The following EHD4 variants were observed in gnomAD, a reference collection of about 807,000 sequenced individuals.
EHD4 encodes EH domain containing 4.
In EHD4, 37 loss-of-function variants were observed where a neutral mutation model predicts 51.0. The ratio of observed to expected loss-of-function variants is 0.73; its 90% CI spans 0.56 to 0.95. EHD4 has a LOEUF of 0.95. EHD4 is among the 40% of genes least tolerant of loss of function. The pLI is 0.00. For synonymous variants in EHD4, 297 were observed against 317.3 expected (o/e 0.94, Z 0.68); for missense variants, 632 against 733.1 (o/e 0.86, Z 1.59).
chr15:41,934,407 A>G (rs775205239), intron 3 of EHD4, among the ~76,000 whole-genome samples: 25 of 150,828 alleles, frequency 1.7e-4, no homozygotes, highest in Non-Finnish European at 3.5e-4. Flanking sequence ...GCCTCAAACT[A>G]CTGGGCTCAA....
Position 41,896,801 on chromosome 15 carries a change from C to G in EHD4, c.*3844G>C, listed in dbSNP as rs1308569521. 1.3e-5 allele frequency: 2 copies of G among 152,332 alleles called. No individual in the cohort carries two copies. Among genetic ancestry groups the G allele is most frequent in the Non-Finnish European group, 2.9e-5 (2 of 68,126 alleles). The allele number at this position is 152,332 out of a possible 1,614,324, so 9.4% of individuals were successfully genotyped here. ...CTGAAGTGGGGCTTTTGTCCACAGACCTGGCCTCTGCTGCCTACCCTCTTC... is the reference window on the plus strand; with the variant it reads ...CTGAAGTGGGGCTTTTGTCCACAGAGCTGGCCTCTGCTGCCTACCCTCTTC... On this transcript the variant is annotated 3_prime_UTR_variant, in exon 6 of 6. Transcript: ENST00000220325.
At chr15:41,930,737 T>A (rs143387289) in intron 3 of EHD4, among the ~76,000 whole-genome samples, 1 of 152,102 alleles carries the variant, frequency 6.6e-6, no homozygotes, top group African/African-American at 2.4e-5. Context: ...AGCCAAACTA[T>A]TACTCAGAGA....
chr15:41,954,029 T>C, intron 1 of EHD4, 89 bp from the exon 2 acceptor site: 7 of 1,396,184 alleles, frequency 5.0e-6, no homozygotes, highest in Non-Finnish European at 4.9e-6. Context: ...TTTTTTTACA[T>C]AATCATTTAA....
chr15:41,931,106 C>T (rs1279004609), intron 3 of EHD4, among the ~76,000 whole-genome samples: 1 of 152,200 alleles, frequency 6.6e-6, no homozygotes, highest in Non-Finnish European at 1.5e-5. Flanking sequence ...AGGAATGCAT[C>T]TTAGAGTTAC....
Position 41,972,503 on chromosome 15 carries a change from C to T in EHD4, c.-9G>A, listed in dbSNP as rs769509081. On this transcript the variant is annotated 5_prime_UTR_variant, in exon 1 of 6. Coordinates refer to ENST00000220325, the MANE Select transcript of EHD4 (RefSeq NM_139265.4). ...CCCATCCAGCTGAACATCCTGCCGC[C>T]AGTCCACGCTCGGATGGGACCCTGC... The T allele has an allele frequency of 1.1e-5, 17 of 1,504,402 alleles. No homozygotes were observed. In the South Asian group the frequency reaches 1.8e-4, roughly 16 times the overall value. 93.2% of individuals were successfully genotyped at this position (1,504,402 alleles called of 1,614,324 possible).
At chr15:41,969,999 C>A (rs2067985824) in intron 1 of EHD4, among the ~76,000 whole-genome samples, 1 of 152,190 alleles carries the variant, frequency 6.6e-6, no homozygotes, top group African/African-American at 2.4e-5. Context: ...AGACCACTAA[C>A]CAGGCTCTAA....
intron 3 of EHD4, among the ~76,000 whole-genome samples, chr15:41,933,717 G>T (rs2067713134): frequency 6.6e-6 from 1 of 152,202 alleles, no homozygotes; most frequent in South Asian, 2.1e-4. Context: ...CTGTGTAACA[G>T]GAATGTCCCC....
chr15:41,968,608 G>T (rs4575497), intron 1 of EHD4, among the ~76,000 whole-genome samples: 1 of 151,948 alleles, frequency 6.6e-6, no homozygotes. Flanking sequence ...TTACTCTTTA[G>T]TTCCTTTGCC....
intron 4 of EHD4, among the ~76,000 whole-genome samples, chr15:41,913,185 T>C (rs1289363610): frequency 1.3e-5 from 2 of 152,230 alleles, no homozygotes; most frequent in Non-Finnish European, 1.5e-5. Flanking sequence ...GATGGCATCC[T>C]GTCATTTTCT....
chr15:41,960,758 C>G (rs1470402213), intron 1 of EHD4, among the ~76,000 whole-genome samples: 1 of 149,796 alleles, frequency 6.7e-6, no homozygotes, highest in Non-Finnish European at 1.5e-5. Context: ...ACTGCAACCT[C>G]TGCCTCCTGG....
chr15:41,966,858 C>T (rs1474163663), intron 1 of EHD4, among the ~76,000 whole-genome samples: 2 of 152,222 alleles, frequency 1.3e-5, no homozygotes, highest in African/African-American at 4.8e-5. Context: ...CAATTACCCA[C>T]CTCTTTGGTA....
intron 4 of EHD4, among the ~76,000 whole-genome samples, chr15:41,915,843 G>A (rs4923919): frequency 0.25 from 37,299 of 151,906 alleles, 5,357 homozygotes; most frequent in Admixed American, 0.35. Flanking sequence ...GATCTTTGAG[G>A]CTAACCAAAA....
At chr15:41,938,032 T>C (rs780475582) in intron 3 of EHD4, among the ~76,000 whole-genome samples, 2 of 152,234 alleles carry the variant, frequency 1.3e-5, no homozygotes, top group Non-Finnish European at 2.9e-5. Context: ...ACAGATGGCC[T>C]AAAGGTAATT....
In EHD4 at chr15:41,972,440, C is replaced by G. The variant is rs2068005116; in HGVS notation, c.55G>C (p.Asp19His). The G allele has an allele frequency of 2.5e-6, 4 of 1,589,566 alleles. No individual in the cohort carries two copies. The African/African-American group carries it at 5.5e-5, about 22-fold the overall frequency. ...CCGCCCGTCACCGTCTGCACCGCGT[C>G]CGCGCCGCCAGCGCGTTCGCGCCCG... ...AGGRERAGGA[D>H]AVQTVTGGLR... Residue 19 changes from aspartate (D) to histidine (H), a missense_variant, in exon 1 of 6, where the codon GAC becomes CAC. Asp to His is a moderately conservative substitution (Grantham distance 81). Transcript: ENST00000220325.
At chr15:41,971,716 C>T (rs575550224) in intron 1 of EHD4, among the ~76,000 whole-genome samples, 1 of 152,350 alleles carries the variant, frequency 6.6e-6, no homozygotes, top group East Asian at 1.9e-4. Flanking sequence ...ATGAACTGAA[C>T]GTAGGCGGCC....
chr15:41,907,154 G>A (rs2067517919), intron 5 of EHD4, among the ~76,000 whole-genome samples: 1 of 152,208 alleles, frequency 6.6e-6, no homozygotes, highest in South Asian at 2.1e-4. Context: ...GAGCCCCAGG[G>A]CTCAAGAGCA....
chr15:41,962,489 T>C (rs113731993), intron 1 of EHD4, among the ~76,000 whole-genome samples: 3 of 149,438 alleles, frequency 2.0e-5, no homozygotes, highest in South Asian at 2.1e-4. Flanking sequence ...GGAAGCCTCA[T>C]GTGACAGCAG....
chr15:41,918,240 ACACG>A lies in EHD4; in HGVS notation c.924+966_924+969del, dbSNP rs1274111826. Among the ~76,000 whole-genome samples the A allele has an allele frequency of 4.1e-3, 539 of 131,862 alleles. 5 individuals carry two copies. The highest frequency in any genetic ancestry group is 0.032 in the South Asian group (130 of 4,114). 86.5% of individuals were successfully genotyped at this position (131,862 alleles called of 152,430 possible). On this transcript the variant is annotated intron_variant, in intron 4 of 5. Transcript: ENST00000220325. ...TTTACACACACACACACACACACAC[ACACG>A]CGCATGTTTACACACATGCATATTC...
chr15:41,963,796 A>G (rs1304680420), intron 1 of EHD4, among the ~76,000 whole-genome samples: 1 of 152,154 alleles, frequency 6.6e-6, no homozygotes, highest in African/African-American at 2.4e-5. Context: ...CACTTTTACA[A>G]CTGTGACAAA....
Sources: allele counts gnomAD v4.1 joint callset (sites outside exome capture counted in the v4.1 genomes callset), GRCh38; gene constraint gnomAD v4.1.1; transcripts MANE v1.5; gene names NCBI Gene and HGNC (gene_info 2026-07-23, HGNC 2026-07-21).